RBFOX1: variants seen among roughly 807,000 people sequenced by gnomAD.
RBFOX1 encodes RNA binding protein fox-1 homolog 1.
RBFOX1 carries 8 observed loss-of-function variants against 57.7 expected under a neutral mutation model. The observed-to-expected ratio is 0.14, with a 90% CI of 0.08 to 0.25. RBFOX1 has a LOEUF of 0.25. Ranked by LOEUF, RBFOX1 falls within the 10% of genes least tolerant of loss-of-function variation. The pLI, the probability that RBFOX1 is intolerant of heterozygous loss-of-function variation, is 1.00. For synonymous variants in RBFOX1, 326 were observed against 222.4 expected (o/e 1.47, Z -4.15); for missense variants, 611 against 548.5 (o/e 1.11, Z -1.14).
chr16:6,869,211 T>C (rs2060452646), intron 3 of RBFOX1, among the ~76,000 whole-genome samples: 1 of 152,172 alleles, frequency 6.6e-6, no homozygotes, highest in African/African-American at 2.4e-5. Flanking sequence ...CACTTGCCAT[T>C]ATCAGCAACA....
intron 1 of RBFOX1, among the ~76,000 whole-genome samples, chr16:5,394,751 G>C (rs947836628): frequency 6.6e-6 from 1 of 152,046 alleles, no homozygotes; most frequent in Admixed American, 6.6e-5. Flanking sequence ...GTCTCACCAT[G>C]TTGTCCAGGC....
chr16:7,370,726 C>G lies in RBFOX1; in HGVS notation c.28-147421C>G, dbSNP rs539266965. ...GACTTGTGAACTAGTGGCCAGTTTT[C>G]CTGTTTAGGTACCCGAGGTTTTGGA... On this transcript the variant is annotated intron_variant, in intron 4 of 15. Transcript: ENST00000550418. Among the ~76,000 whole-genome samples the G allele has an allele frequency of 2.0e-5, 3 of 152,314 alleles. No individual in the cohort carries two copies. In the East Asian group the frequency reaches 5.8e-4, roughly 29 times the overall value.
At chr16:6,779,025 T>C (rs1053949557) in intron 3 of RBFOX1, among the ~76,000 whole-genome samples, 1 of 152,050 alleles carries the variant, frequency 6.6e-6, no homozygotes, top group Non-Finnish European at 1.5e-5. Flanking sequence ...ATTCCAAAAC[T>C]ACTACTCTAG....
chr16:5,707,240 A>G (rs1596865384), intron 3 of RBFOX1, among the ~76,000 whole-genome samples: 1 of 152,236 alleles, frequency 6.6e-6, no homozygotes, highest in Admixed American at 6.5e-5. Flanking sequence ...TTAAACAGAA[A>G]GAGGAAATGT....
Position 5,637,985 on chromosome 16 carries a change from G to A in RBFOX1, c.318+39024G>A, listed in dbSNP as rs141588804. 1.8e-4 allele frequency among the ~76,000 whole-genome samples: 28 copies of A among 152,292 alleles called. 1 individual carries two copies. The highest frequency in any genetic ancestry group is 5.3e-4 in the African/African-American group (22 of 41,542). ...CAAGTATTTCTACTCTGATGATGTC[G>A]GAAGTCCCCTGACTATTCTTTCCTT... is the stretch of plus-strand genomic sequence containing the variant. On this transcript the variant is annotated intron_variant, in intron 3 of 19. Transcript: ENST00000641259.
At chr16:6,646,047 G>A (rs1340368967) in intron 2 of RBFOX1, among the ~76,000 whole-genome samples, 5 of 151,900 alleles carry the variant, frequency 3.3e-5, no homozygotes, top group Admixed American at 1.3e-4. Flanking sequence ...GCCTTCTGTC[G>A]GGAAATTGAT....
At chr16:5,722,602 T>C (rs1016300870) in intron 3 of RBFOX1, among the ~76,000 whole-genome samples, 4 of 152,190 alleles carry the variant, frequency 2.6e-5, no homozygotes, top group African/African-American at 9.6e-5. Flanking sequence ...GTGAAATCTT[T>C]TGAGTAAGTC....
At chr16:7,656,298 G>A (rs1006368345) in intron 12 of RBFOX1, among the ~76,000 whole-genome samples, 3 of 152,140 alleles carry the variant, frequency 2.0e-5, no homozygotes, top group Admixed American at 1.3e-4. Context: ...GAATGAATTG[G>A]CACGGAATGA....
intron 3 of RBFOX1, among the ~76,000 whole-genome samples, chr16:7,044,011 T>C (rs1185008611): frequency 6.6e-6 from 1 of 152,232 alleles, no homozygotes; most frequent in Non-Finnish European, 1.5e-5. Flanking sequence ...AAGCACCTCT[T>C]ACACTTTCAC....
intron 4 of RBFOX1, among the ~76,000 whole-genome samples, chr16:7,105,667 T>C (rs975038390): frequency 5.9e-5 from 9 of 152,110 alleles, no homozygotes; most frequent in Admixed American, 5.9e-4. Flanking sequence ...CTGAGTCATA[T>C]TCCATCATAT....
At chr16:6,987,985 C>A (rs955065075) in intron 3 of RBFOX1, among the ~76,000 whole-genome samples, 7 of 152,014 alleles carry the variant, frequency 4.6e-5, no homozygotes, top group Admixed American at 4.6e-4. Context: ...CTTGCATAAT[C>A]TTATATAGTC....
chr16:5,558,530 G>T lies in RBFOX1; in HGVS notation c.259-40372G>T, dbSNP rs138952086. On this transcript the variant is annotated intron_variant, in intron 2 of 2. Transcript: ENST00000585867. ...TGTACAAACTACCTTAGTGACCAGA[G>T]ACACTCCTGAGATCCTTACAAAGGC... 8.8e-3 allele frequency among the ~76,000 whole-genome samples: 1,335 copies of T among 152,212 alleles called. 27 individuals are homozygous for T. The highest frequency in any genetic ancestry group is 0.03 in the African/African-American group (1,255 of 41,536).
intron 2 of RBFOX1, among the ~76,000 whole-genome samples, chr16:6,346,680 T>C (rs1275000488): frequency 1.3e-5 from 2 of 152,176 alleles, no homozygotes; most frequent in Non-Finnish European, 2.9e-5. Context: ...TTGTCTATAG[T>C]TTTTTTATTT....
chr16:5,573,862 G>A (rs1269392895), intron 2 of RBFOX1, among the ~76,000 whole-genome samples: 4 of 152,180 alleles, frequency 2.6e-5, no homozygotes, highest in Non-Finnish European at 5.9e-5. Context: ...GCTGATGTGT[G>A]AGGATCACCT....
Position 7,560,249 on chromosome 16 carries a change from G to T in RBFOX1, c.271-19528G>T, listed in dbSNP as rs191692551. Among the ~76,000 whole-genome samples the T allele has an allele frequency of 3.6e-3, 547 of 152,296 alleles. 5 individuals are homozygous for T. The highest frequency in any genetic ancestry group is 0.01 in the South Asian group (50 of 4,826). On this transcript the variant is annotated intron_variant, in intron 5 of 15. Coordinates refer to ENST00000550418, the MANE Select transcript of RBFOX1 (RefSeq NM_018723.4). Reference sequence around the variant, plus strand: ...AAAGGCTGTCAAGAACCCCCTATGGGGGGTGGACTTCTTGGCTTACCCACC... The same window carrying T: ...AAAGGCTGTCAAGAACCCCCTATGGTGGGTGGACTTCTTGGCTTACCCACC...
chr16:5,412,752 A>C (rs775777920), intron 1 of RBFOX1, among the ~76,000 whole-genome samples: 19 of 152,222 alleles, frequency 1.2e-4, no homozygotes, highest in Non-Finnish European at 2.1e-4. Flanking sequence ...AAAAAAATCA[A>C]GCACAGGGAG....
intron 1 of RBFOX1, among the ~76,000 whole-genome samples, chr16:5,332,506 T>G (rs562276262): frequency 2.0e-5 from 3 of 152,222 alleles, no homozygotes; most frequent in African/African-American, 7.2e-5. Flanking sequence ...TCATGTGATC[T>G]GCCTACCTCG....
chr16:5,748,283 C>A (rs1161751598), intron 3 of RBFOX1, among the ~76,000 whole-genome samples: 1 of 152,010 alleles, frequency 6.6e-6, no homozygotes, highest in Admixed American at 6.6e-5. Flanking sequence ...CTGAGGAGTG[C>A]TTTACTTCCA....
chr16:7,587,338 T>C, intron 7 of RBFOX1, 38 bp downstream of exon 7: 1 of 1,474,442 alleles, frequency 6.8e-7, no homozygotes, highest in Non-Finnish European at 9.0e-7. Context: ...GTTTAGTTTA[T>C]TTTTAAATGT....
Sources: allele counts gnomAD v4.1 joint callset (sites outside exome capture counted in the v4.1 genomes callset), GRCh38; gene constraint gnomAD v4.1.1; transcripts MANE v1.5; gene names NCBI Gene and HGNC (gene_info 2026-07-23, HGNC 2026-07-21).